Variants in GABRG3 observed in about 807,000 individuals in gnomAD.
GABRG3 encodes gamma-aminobutyric acid type A receptor subunit gamma3, also known as gamma-aminobutyric acid receptor subunit gamma-3.
A neutral mutation model predicts 48.8 loss-of-function variants in GABRG3; 25 were observed. The ratio of observed to expected loss-of-function variants is 0.51; its 90% CI spans 0.37 to 0.72. GABRG3 has a LOEUF of 0.72. GABRG3 is among the 30% of genes least tolerant of loss of function. The probability of loss-of-function intolerance (pLI) is 0.00; values close to 1 mark genes in which losing one functional copy is unlikely to be tolerated. For synonymous variants in GABRG3, 227 were observed against 217.6 expected (o/e 1.04, Z -0.38); for missense variants, 394 against 577.9 (o/e 0.68, Z 3.26).
intron 5 of GABRG3, among the ~76,000 whole-genome samples, chr15:27,412,937 A>C (rs1279409021): frequency 6.6e-6 from 1 of 152,210 alleles, no homozygotes; most frequent in Non-Finnish European, 1.5e-5. Context: ...CTCTTAAAAA[A>C]ATTCACAGTA....
chr15:27,465,228 A>T (rs1889569651), intron 5 of GABRG3, among the ~76,000 whole-genome samples: 2 of 152,190 alleles, frequency 1.3e-5, no homozygotes. Context: ...GGGACCAAGG[A>T]TCAGTGGCAC....
At chr15:27,510,419 T>C (rs1227863106) in intron 6 of GABRG3, among the ~76,000 whole-genome samples, 1 of 152,116 alleles carries the variant, frequency 6.6e-6, no homozygotes, top group Non-Finnish European at 1.5e-5. Flanking sequence ...TTTCCACCAT[T>C]CCCCTGTTGC....
At chr15:27,529,449 GC>G (rs11367676) in intron 9 of GABRG3, among the ~76,000 whole-genome samples, 76,613 of 151,848 alleles carry the variant, frequency 0.5, 19,969 homozygotes, top group East Asian at 0.69. Context: ...AATGTTTCAA[GC>G]CCCCCCATAA....
chr15:27,214,472 C>T (rs937209016), intron 3 of GABRG3, among the ~76,000 whole-genome samples: 1 of 152,134 alleles, frequency 6.6e-6, no homozygotes, highest in Non-Finnish European at 1.5e-5. Flanking sequence ...GGGCGATAGC[C>T]TCTGACTTAA....
chr15:27,230,790 T>C (rs1312504528), intron 3 of GABRG3, among the ~76,000 whole-genome samples: 2 of 145,156 alleles, frequency 1.4e-5, no homozygotes, highest in Non-Finnish European at 3.0e-5. Context: ...ACCAAACGAC[T>C]TAGCTCAGAA....
At chr15:27,290,851 C>T (rs28530570) in intron 3 of GABRG3, among the ~76,000 whole-genome samples, 15,253 of 152,060 alleles carry the variant, frequency 0.1, 2,536 homozygotes, top group African/African-American at 0.35. Context: ...AAAATACTGG[C>T]CCATCAATTG....
chr15:27,244,998 G>C (rs1458922542), intron 3 of GABRG3, among the ~76,000 whole-genome samples: 1 of 152,204 alleles, frequency 6.6e-6, no homozygotes, highest in African/African-American at 2.4e-5. Flanking sequence ...GTGAAAGTTT[G>C]TGGGGGTTTC....
chr15:27,169,689 A>G (rs1341001274), intron 3 of GABRG3, among the ~76,000 whole-genome samples: 1 of 152,210 alleles, frequency 6.6e-6, no homozygotes, highest in Non-Finnish European at 1.5e-5. Flanking sequence ...TCAGGCTGCC[A>G]TAACAGAATA....
chr15:27,344,970 C>T (rs149919840), intron 5 of GABRG3, among the ~76,000 whole-genome samples: 70,033 of 151,984 alleles, frequency 0.46, 16,997 homozygotes, highest in Middle Eastern at 0.58. Flanking sequence ...CTTGACAAAC[C>T]TCCTTGTTCT....
chr15:27,040,476 G>A (rs1444013436), intron 3 of GABRG3, among the ~76,000 whole-genome samples: 1 of 152,180 alleles, frequency 6.6e-6, no homozygotes, highest in Admixed American at 6.5e-5. Context: ...CATCCAAGAT[G>A]AATGTCCTAT....
rs1896104507 is a variant in GABRG3, at chr15:27,388,369, A to AGGG, written c.574+59481_574+59482insGGG. ...GAGGGAGGGTAAGGAAGGAAGGAAG[A>AGGG]AAGGAAGGAAGGAAGGAAAGGAGGG... is the stretch of plus-strand genomic sequence containing the variant. On this transcript the variant is annotated intron_variant, in intron 5 of 9. Coordinates refer to ENST00000615808, the MANE Select transcript of GABRG3 (RefSeq NM_033223.5). Among the ~76,000 whole-genome samples, 2 of 31,882 alleles carry AGGG rather than the reference A, an allele frequency of 6.3e-5. 1 individual carries two copies. The highest frequency in any genetic ancestry group is 4.7e-3 in the East Asian group (2 of 422). 20.9% of individuals were successfully genotyped at this position (31,882 alleles called of 152,430 possible).
At chr15:27,234,031 G>A (rs917063284) in intron 3 of GABRG3, among the ~76,000 whole-genome samples, 1 of 152,164 alleles carries the variant, frequency 6.6e-6, no homozygotes, top group Non-Finnish European at 1.5e-5. Context: ...GAGCTTTAGA[G>A]AGAAATATCC....
intron 3 of GABRG3, among the ~76,000 whole-genome samples, chr15:27,292,621 T>G (rs1470218795): frequency 6.6e-6 from 1 of 152,182 alleles, no homozygotes; most frequent in African/African-American, 2.4e-5. Context: ...CTTTCTCTAT[T>G]CAAATAAAGT....
chr15:27,126,344 G>A (rs935171810), intron 3 of GABRG3, among the ~76,000 whole-genome samples: 1 of 152,178 alleles, frequency 6.6e-6, no homozygotes, highest in African/African-American at 2.4e-5. Flanking sequence ...GGAGGGACTC[G>A]CGATTAGGTC....
At chr15:27,433,689 G>A (rs758190879) in intron 5 of GABRG3, among the ~76,000 whole-genome samples, 21 of 152,108 alleles carry the variant, frequency 1.4e-4, no homozygotes, top group Non-Finnish European at 2.4e-4. Context: ...TATGTGTGTC[G>A]ATATGGTTCA....
In GABRG3 at chr15:27,194,034, A is replaced by G. The variant is rs139639141; in HGVS notation, c.271-132775A>G. 7.4e-3 allele frequency among the ~76,000 whole-genome samples: 1,120 copies of G among 152,236 alleles called. 12 individuals are homozygous for G. The highest frequency in any genetic ancestry group is 0.025 in the African/African-American group (1,047 of 41,530). ...ATTACTTGAATAGTTTTTAGAATTT[A>G]ATCTTAACTTATTTATAATGTCTTT... On this transcript the variant is annotated intron_variant, in intron 3 of 9. Coordinates refer to ENST00000615808, the MANE Select transcript of GABRG3 (RefSeq NM_033223.5).
At chr15:27,074,839 T>A (rs1287301250) in intron 3 of GABRG3, among the ~76,000 whole-genome samples, 1 of 152,056 alleles carries the variant, frequency 6.6e-6, no homozygotes, top group African/African-American at 2.4e-5. Context: ...TCGAAGGAAG[T>A]GAAGCTGAAA....
At chr15:27,480,965 G>A in intron 6 of GABRG3, 178 bp downstream of exon 6, 1 of 1,385,560 alleles carries the variant, frequency 7.2e-7, no homozygotes, top group Non-Finnish European at 9.3e-7. Flanking sequence ...TATGGGAGAG[G>A]GATGTTAGAA....
intron 5 of GABRG3, among the ~76,000 whole-genome samples, chr15:27,437,036 C>A (rs1041809475): frequency 1.5e-5 from 2 of 135,430 alleles, no homozygotes; most frequent in Admixed American, 1.5e-4. Context: ...AGAGAGAGCG[C>A]CCACATTCTC....
Sources: allele counts gnomAD v4.1 joint callset (sites outside exome capture counted in the v4.1 genomes callset), GRCh38; gene constraint gnomAD v4.1.1; transcripts MANE v1.5; gene names NCBI Gene and HGNC (gene_info 2026-07-23, HGNC 2026-07-21).